The following CADM2 variants were observed in gnomAD, a reference collection of about 807,000 sequenced individuals.
The protein encoded by CADM2 is cell adhesion molecule 2.
CADM2 carries 12 observed loss-of-function variants against 49.8 expected under a neutral mutation model. The ratio of observed to expected loss-of-function variants is 0.24; its 90% confidence interval spans 0.15 to 0.39. The LOEUF (loss-of-function observed/expected upper bound fraction) is 0.39. Among genes scored for constraint, CADM2 ranks in the 10% least tolerant of loss-of-function variants. The probability of loss-of-function intolerance (pLI) is 1.00; values close to 1 mark genes in which losing one functional copy is unlikely to be tolerated. For missense variants in CADM2, 378 were observed against 492.3 expected (o/e 0.77, Z 2.20); for synonymous variants, 214 against 175.4 (o/e 1.22, Z -1.74).
rs3044020 is a variant in CADM2 at position 85,732,094 on chromosome 3, CAAA to C, written c.88+5565_88+5567del. ...GAAAACCCATCTCTACTAAGAATAC[CAAA>C]AAAAAAAAAAAAAAAAAATTGCTGA... On this transcript the variant is annotated intron_variant, in intron 2 of 9. Coordinates refer to ENST00000383699, the MANE Select transcript of CADM2 (RefSeq NM_001167675.2). 4.2e-4 allele frequency among the ~76,000 whole-genome samples: 38 copies of C among 90,798 alleles called. 1 individual carries two copies. Among genetic ancestry groups the C allele is most frequent in the Middle Eastern group, 6.8e-3 (1 of 146 alleles). 59.6% of individuals were successfully genotyped at this position (90,798 alleles called of 152,430 possible).
At chr3:85,703,380 T>C (rs1947180) in intron 1 of CADM2, among the ~76,000 whole-genome samples, 45,414 of 151,880 alleles carry the variant, frequency 0.3, 6,891 homozygotes, top group South Asian at 0.34. Flanking sequence ...AACCATTGCA[T>C]AGAGATAAAG....
chr3:85,568,110 G>A (rs534148131), intron 1 of CADM2, among the ~76,000 whole-genome samples: 1 of 152,290 alleles, frequency 6.6e-6, no homozygotes, highest in East Asian at 1.9e-4. Flanking sequence ...TGTCTTACCA[G>A]CTATCTATGT....
At chr3:85,833,682 T>C (rs1397075601) in intron 3 of CADM2, among the ~76,000 whole-genome samples, 1 of 151,646 alleles carries the variant, frequency 6.6e-6, no homozygotes, top group South Asian at 2.1e-4. Context: ...AACGACTAGT[T>C]GATGATGTCT....
At chr3:85,141,035 C>T (rs1200058376) in intron 1 of CADM2, among the ~76,000 whole-genome samples, 5 of 152,056 alleles carry the variant, frequency 3.3e-5, no homozygotes, top group Non-Finnish European at 5.9e-5. Context: ...TAGTCAGAGA[C>T]TAAATATATG....
At chr3:85,308,487 A>T (rs2044269493) in intron 1 of CADM2, among the ~76,000 whole-genome samples, 2 of 151,918 alleles carry the variant, frequency 1.3e-5, no homozygotes, top group African/African-American at 4.8e-5. Context: ...CTATCCTGCT[A>T]TTGACTTGGC....
At chr3:85,367,315 T>A (rs1040353070) in intron 1 of CADM2, among the ~76,000 whole-genome samples, 2 of 152,012 alleles carry the variant, frequency 1.3e-5, no homozygotes, top group African/African-American at 4.8e-5. Flanking sequence ...ACACTACTGT[T>A]AAATACAGAA....
At position 86,008,327 on chromosome 3, in the gene CADM2, G is replaced by A. The variant is rs79163264; in HGVS notation, c.970+46680G>A. 8.7e-4 allele frequency among the ~76,000 whole-genome samples: 132 copies of A among 152,018 alleles called. 2 individuals carry two copies. The East Asian group carries it at 0.013, about 15-fold the overall frequency. On this transcript the variant is annotated intron_variant, in intron 8 of 9. Coordinates refer to ENST00000383699, the MANE Select transcript of CADM2 (RefSeq NM_001167675.2). ...TACATAACCAAACAAAAGAAAAATA[G>A]GACACCAAATCTTTAGGTCATCTAT... is the stretch of plus-strand genomic sequence containing the variant.
chr3:85,716,713 A>G (rs1212852327), intron 1 of CADM2, among the ~76,000 whole-genome samples: 1 of 152,296 alleles, frequency 6.6e-6, no homozygotes, highest in East Asian at 1.9e-4. Context: ...TTTTCTGCAT[A>G]TGGCCATCCA....
intron 1 of CADM2, among the ~76,000 whole-genome samples, chr3:85,409,077 G>T (rs1048941550): frequency 6.6e-6 from 1 of 152,164 alleles, no homozygotes; most frequent in African/African-American, 2.4e-5. Context: ...ATTTATGCCA[G>T]AGTCATGCCA....
intron 1 of CADM2, among the ~76,000 whole-genome samples, chr3:85,040,611 G>A (rs2035397040): frequency 1.3e-5 from 2 of 151,884 alleles, no homozygotes; most frequent in African/African-American, 4.8e-5. Context: ...TTTTACTCTG[G>A]TGTTTATAAA....
At chr3:86,012,864 A>T (rs994099194) in intron 8 of CADM2, 12 of 544,034 alleles carry the variant, frequency 2.2e-5, no homozygotes, top group Non-Finnish European at 4.0e-5. Context: ...AGTCCCAGCT[A>T]CTCGGGAGGC....
chr3:85,922,427 G>A (rs571032275), intron 6 of CADM2, among the ~76,000 whole-genome samples: 13 of 151,076 alleles, frequency 8.6e-5, no homozygotes, highest in Non-Finnish European at 1.2e-4. Flanking sequence ...TTTTAATGAC[G>A]TATTAATGTA....
chr3:85,923,594 T>C (rs1051965508), intron 6 of CADM2, among the ~76,000 whole-genome samples: 2 of 151,330 alleles, frequency 1.3e-5, no homozygotes, highest in African/African-American at 4.8e-5. Context: ...TACAATATGG[T>C]GTTTTTGTTT....
At chr3:85,458,311 G>A (rs1266801219) in intron 1 of CADM2, among the ~76,000 whole-genome samples, 2 of 152,052 alleles carry the variant, frequency 1.3e-5, no homozygotes, top group Non-Finnish European at 2.9e-5. Flanking sequence ...ATAAACTTAT[G>A]CATTTATTAT....
intron 1 of CADM2, among the ~76,000 whole-genome samples, chr3:85,328,270 T>C (rs2044811461): frequency 6.6e-6 from 1 of 152,206 alleles, no homozygotes; most frequent in Non-Finnish European, 1.5e-5. Context: ...CCTTAAGAGC[T>C]TTTAAACAAT....
At chr3:85,982,321 A>G (rs1727575697) in intron 8 of CADM2, among the ~76,000 whole-genome samples, 1 of 151,570 alleles carries the variant, frequency 6.6e-6, no homozygotes, top group African/African-American at 2.4e-5. Flanking sequence ...CACTCAACCA[A>G]CCTCCAAGAA....
chr3:86,024,981 C>T (rs1438867606), intron 8 of CADM2, among the ~76,000 whole-genome samples: 4 of 151,908 alleles, frequency 2.6e-5, no homozygotes, highest in African/African-American at 4.8e-5. Flanking sequence ...CAGGCTCAAG[C>T]GATTCTCATG....
intron 6 of CADM2, among the ~76,000 whole-genome samples, chr3:85,913,681 A>G (rs751564000): frequency 5.3e-5 from 8 of 152,206 alleles, no homozygotes; most frequent in Non-Finnish European, 1.2e-4. Flanking sequence ...AACAAACTTC[A>G]TTTCTCTTAC....
chr3:86,063,191 C>G (rs779580888), intron 8 of CADM2, among the ~76,000 whole-genome samples: 3 of 152,106 alleles, frequency 2.0e-5, no homozygotes, highest in Non-Finnish European at 4.4e-5. Flanking sequence ...AGCTCAAGAT[C>G]CGCAGATATG....
Sources: gnomAD v4.1 joint callset for allele counts (sites outside exome capture counted in the v4.1 genomes callset) on GRCh38, gnomAD v4.1.1 for gene constraint, MANE v1.5 for transcripts, NCBI Gene and HGNC (gene_info 2026-07-23, HGNC 2026-07-21) for gene names.